COL25A1: variants seen among roughly 807,000 people sequenced by gnomAD.
The protein encoded by COL25A1 is collagen type XXV alpha 1 chain.
Under a neutral mutation model 128.4 loss-of-function variants are expected in COL25A1, and 103 were observed. The ratio of observed to expected loss-of-function variants is 0.80; its 90% confidence interval spans 0.68 to 0.94. COL25A1 has a LOEUF of 0.94. COL25A1 is among the 40% of genes least tolerant of loss of function. The pLI, the probability that COL25A1 is intolerant of heterozygous loss-of-function variation, is 0.00. For synonymous variants in COL25A1, 279 were observed against 277.2 expected (o/e 1.01, Z -0.06); for missense variants, 745 against 840.0 (o/e 0.89, Z 1.40).
intron 19 of COL25A1, among the ~76,000 whole-genome samples, chr4:108,871,940 G>A (rs567309667): frequency 2.6e-5 from 4 of 152,288 alleles, no homozygotes; most frequent in Admixed American, 2.6e-4. Flanking sequence ...ATGGTGTTCA[G>A]CTAGTTGGGC....
chr4:109,286,962 T>C (rs973727201), intron 3 of COL25A1, among the ~76,000 whole-genome samples: 2 of 152,162 alleles, frequency 1.3e-5, no homozygotes, highest in African/African-American at 2.4e-5. Context: ...AATGTGACAG[T>C]TGACCTAACA....
intron 11 of COL25A1, among the ~76,000 whole-genome samples, chr4:108,929,873 G>A (rs911800464): frequency 5.9e-5 from 9 of 152,086 alleles, no homozygotes; most frequent in African/African-American, 1.4e-4. Context: ...GCAATTTTGT[G>A]TAATTCTGTT....
intron 19 of COL25A1, among the ~76,000 whole-genome samples, chr4:108,871,331 T>G (rs1004527066): frequency 6.6e-6 from 1 of 152,194 alleles, no homozygotes; most frequent in Admixed American, 6.5e-5. Context: ...TATTTATTTA[T>G]TTTTTTGAGA....
At chr4:109,115,603 TGA>T (rs1327313253) in intron 3 of COL25A1, among the ~76,000 whole-genome samples, 1 of 151,976 alleles carries the variant, frequency 6.6e-6, no homozygotes, top group Non-Finnish European at 1.5e-5. Flanking sequence ...TGGGCAAAGA[TGA>T]TTAAAACCAC....
chr4:109,122,850 A>G (rs1768231688), intron 3 of COL25A1, among the ~76,000 whole-genome samples: 1 of 152,090 alleles, frequency 6.6e-6, no homozygotes, highest in Non-Finnish European at 1.5e-5. Context: ...ATACTTATTG[A>G]GTTATTCACA....
At chr4:108,919,383 C>G (rs566069108) in intron 12 of COL25A1, among the ~76,000 whole-genome samples, 2 of 152,242 alleles carry the variant, frequency 1.3e-5, no homozygotes, top group Admixed American at 1.3e-4. Context: ...TCACACCATG[C>G]TTAATAGAGA....
At chr4:108,985,094 T>C (rs1393741619) in intron 6 of COL25A1, among the ~76,000 whole-genome samples, 1 of 152,216 alleles carries the variant, frequency 6.6e-6, no homozygotes. Flanking sequence ...CAATGTATAT[T>C]GGATCTCCCT....
At chr4:108,834,208 C>T (rs377232145) in intron 31 of COL25A1, 30 of 778,612 alleles carry the variant, frequency 3.9e-5, no homozygotes, top group Middle Eastern at 2.7e-4. Context: ...CCCCTTTTGC[C>T]GCCATCTTTG....
At chr4:109,041,201 G>C (rs937768244) in intron 5 of COL25A1, among the ~76,000 whole-genome samples, 1 of 152,054 alleles carries the variant, frequency 6.6e-6, no homozygotes, top group African/African-American at 2.4e-5. Context: ...GGAAAGAGAA[G>C]GCCGTAACAA....
chr4:109,002,037 T>C (rs1309808665), intron 6 of COL25A1, among the ~76,000 whole-genome samples: 3 of 152,332 alleles, frequency 2.0e-5, no homozygotes, highest in East Asian at 1.9e-4. Context: ...AGAATGGCTA[T>C]TGTAAAAAAG....
chr4:108,986,907 G>T (rs1030829969), intron 6 of COL25A1, among the ~76,000 whole-genome samples: 3 of 152,046 alleles, frequency 2.0e-5, no homozygotes, highest in African/African-American at 7.2e-5. Flanking sequence ...TCTAAGCTTT[G>T]CTTTAAAATA....
chr4:108,862,492 G>T lies in COL25A1; in HGVS notation c.1197+9C>A. On this transcript the variant is annotated intron_variant, in intron 22 of 37. Transcript: ENST00000399132. ...CATGTTATATTTAAATGGTTATCTG[G>T]TTACTGACCTTTGACCCCTTTGGGC... 6.2e-7 allele frequency: 1 copy of T among 1,605,762 alleles called. No homozygotes were observed. The highest frequency in any genetic ancestry group is 8.5e-7 in the Non-Finnish European group (1 of 1,172,548).
At chr4:108,997,369 T>A (rs1385563299) in intron 6 of COL25A1, among the ~76,000 whole-genome samples, 2 of 151,890 alleles carry the variant, frequency 1.3e-5, no homozygotes, top group Non-Finnish European at 2.9e-5. Flanking sequence ...AACTAGAAAA[T>A]CTAGAAGAAA....
At chr4:108,864,734 T>C (rs1050306134) in intron 20 of COL25A1, among the ~76,000 whole-genome samples, 10 of 152,212 alleles carry the variant, frequency 6.6e-5, no homozygotes, top group Admixed American at 5.2e-4. Context: ...GAGTAGGGTT[T>C]ATTTCATAAT....
chr4:109,034,334 C>G (rs1165830213), intron 5 of COL25A1, among the ~76,000 whole-genome samples: 2 of 152,112 alleles, frequency 1.3e-5, no homozygotes, highest in Non-Finnish European at 2.9e-5. Flanking sequence ...TATAGTTCAG[C>G]AAGAAATGAA....
At chr4:108,848,021 G>A (rs190971038) in intron 27 of COL25A1, among the ~76,000 whole-genome samples, 63 of 152,134 alleles carry the variant, frequency 4.1e-4, no homozygotes, top group Non-Finnish European at 6.8e-4. Flanking sequence ...TACTGTCCAC[G>A]TTCTCCAACT....
intron 8 of COL25A1, 36 bp downstream of exon 8, chr4:108,974,331 T>A (rs1442364608): frequency 6.2e-7 from 1 of 1,610,766 alleles, no homozygotes; most frequent in Non-Finnish European, 8.5e-7. Context: ...AGTTAGAAAC[T>A]AATTTTCCGC....
At chr4:108,848,862 A>G (rs1356836021) in intron 26 of COL25A1, 59 bp from the exon 27 acceptor site, 11 of 1,313,190 alleles carry the variant, frequency 8.4e-6, no homozygotes, top group South Asian at 1.2e-5. Flanking sequence ...ACTGCACTAC[A>G]TAAAAAAACG....
intron 3 of COL25A1, among the ~76,000 whole-genome samples, chr4:109,168,675 G>GGAAAA (rs1491145866): frequency 3.9e-5 from 6 of 152,152 alleles, no homozygotes; most frequent in Middle Eastern, 3.4e-3. Context: ...CCTTGCAGAG[G>GGAAAA]TGCTCTTTCA....
Sources: allele counts gnomAD v4.1 joint callset (sites outside exome capture counted in the v4.1 genomes callset), GRCh38; gene constraint gnomAD v4.1.1; transcripts MANE v1.5; gene names NCBI Gene and HGNC (gene_info 2026-07-23, HGNC 2026-07-21).